CLEC16A: variants seen among roughly 807,000 people sequenced by gnomAD.
CLEC16A encodes protein CLEC16A.
In CLEC16A, 51 loss-of-function variants were observed where a neutral mutation model predicts 109.5. The ratio of observed to expected loss-of-function variants is 0.47; its 90% CI spans 0.37 to 0.59. The LOEUF is 0.59. CLEC16A is among the 20% of genes least tolerant of loss of function. The pLI, the probability that CLEC16A is intolerant of heterozygous loss-of-function variation, is 0.00. For missense variants in CLEC16A, 1,339 were observed against 1,394.0 expected (o/e 0.96, Z 0.63); for synonymous variants, 673 against 564.2 (o/e 1.19, Z -2.73).
intron 1 of CLEC16A, among the ~76,000 whole-genome samples, chr16:10,945,699 T>C (rs1022381811): frequency 6.6e-6 from 1 of 152,274 alleles, no homozygotes; most frequent in Middle Eastern, 3.4e-3. Flanking sequence ...AGGTACATAG[T>C]AGGTGGCCAG....
intron 23 of CLEC16A, 55 bp downstream of exon 23, chr16:11,166,607 T>C: frequency 1.3e-6 from 2 of 1,486,462 alleles, no homozygotes; most frequent in Non-Finnish European, 1.8e-6. Flanking sequence ...CCGTGATCCC[T>C]CACCATTACC....
chr16:10,967,290 C>T (rs1417928912), intron 3 of CLEC16A, among the ~76,000 whole-genome samples: 3 of 152,156 alleles, frequency 2.0e-5, no homozygotes, highest in Non-Finnish European at 4.4e-5. Context: ...TTGAGTTTGA[C>T]TTTGATCGAC....
intron 19 of CLEC16A, among the ~76,000 whole-genome samples, chr16:11,100,806 G>T (rs1488567004): frequency 6.6e-6 from 1 of 152,202 alleles, no homozygotes; most frequent in Non-Finnish European, 1.5e-5. Context: ...TTTGCAAGTG[G>T]CTGGAACTTT....
At chr16:11,064,148 C>T (rs552026954) in intron 19 of CLEC16A, among the ~76,000 whole-genome samples, 5 of 152,294 alleles carry the variant, frequency 3.3e-5, no homozygotes, top group Admixed American at 2.0e-4. Context: ...ATTTAAAATA[C>T]GCCACCCACC....
intron 18 of CLEC16A, 110 bp from the exon 19 acceptor site, chr16:11,060,792 G>A (rs1217261158): frequency 1.8e-5 from 21 of 1,187,150 alleles, no homozygotes; most frequent in South Asian, 8.1e-5. Flanking sequence ...GCTTTATTGC[G>A]TTTCTTTCTT....
intron 19 of CLEC16A, among the ~76,000 whole-genome samples, chr16:11,098,719 G>T (rs945637212): frequency 1.3e-5 from 2 of 152,232 alleles, no homozygotes; most frequent in East Asian, 1.9e-4. Context: ...CTCCCAAGAC[G>T]CTGTGTGTGA....
At chr16:10,982,141 G>A (rs1168088444) in intron 9 of CLEC16A, among the ~76,000 whole-genome samples, 1 of 152,176 alleles carries the variant, frequency 6.6e-6, no homozygotes, top group African/African-American at 2.4e-5. Flanking sequence ...AAACAAAATA[G>A]CAGGCATGTC....
intron 19 of CLEC16A, among the ~76,000 whole-genome samples, chr16:11,069,426 G>A (rs1051643543): frequency 2.6e-5 from 4 of 151,814 alleles, no homozygotes; most frequent in African/African-American, 7.3e-5. Context: ...ACTGTGTCTG[G>A]CCTATTATTA....
chr16:10,972,284 G>A (rs953819981), intron 5 of CLEC16A, among the ~76,000 whole-genome samples: 12 of 152,200 alleles, frequency 7.9e-5, no homozygotes, highest in Admixed American at 1.3e-4. Context: ...GTCAAGGCCC[G>A]TGCTCCCAGG....
rs750410149 is a variant in CLEC16A at position 11,123,765 on chromosome 16, G to A, written c.2292G>A (p.Glu764=). The A allele has an allele frequency of 3.1e-6, 5 of 1,613,922 alleles. No individual in the cohort carries two copies. The highest frequency in any genetic ancestry group is 2.7e-5 in the African/African-American group (2 of 74,922). Residue 764 remains glutamate (E), a synonymous_variant, in exon 21 of 24, where the codon GAG becomes GAA. Coordinates refer to ENST00000409790, the MANE Select transcript of CLEC16A (RefSeq NM_015226.3). ...AGGACATGCAGGTGACTGGCGTGGA[G>A]GACGACAGCCGTGCCCTGAACATCA... The part of the protein sequence containing the change: ...LLQDMQVTGV[E]DDSRALNITI...
At chr16:11,159,510 C>T (rs2054645611) in intron 22 of CLEC16A, among the ~76,000 whole-genome samples, 1 of 152,224 alleles carries the variant, frequency 6.6e-6, no homozygotes, top group African/African-American at 2.4e-5. Context: ...CCGAGCAGTT[C>T]CATTTTCATC....
At chr16:11,120,220 C>G (rs957585505) in intron 19 of CLEC16A, among the ~76,000 whole-genome samples, 3 of 152,266 alleles carry the variant, frequency 2.0e-5, no homozygotes, top group Non-Finnish European at 4.4e-5. Context: ...ATCCACCTGC[C>G]TTGGCCTCCC....
intron 22 of CLEC16A, among the ~76,000 whole-genome samples, chr16:11,164,480 G>A (rs1182616519): frequency 6.6e-6 from 1 of 152,208 alleles, no homozygotes; most frequent in Non-Finnish European, 1.5e-5. Context: ...GTGAAAGGAA[G>A]GAGGCTGAGG....
chr16:11,092,353 C>A lies in CLEC16A; in HGVS notation c.2117-28262C>A, dbSNP rs1022677669. 3.5e-3 allele frequency among the ~76,000 whole-genome samples: 414 copies of A among 119,476 alleles called. 6 individuals carry two copies. The highest frequency in any genetic ancestry group is 0.034 in the Admixed American group (353 of 10,442). The allele number at this position is 119,476 out of a possible 152,430, so 78.4% of individuals were successfully genotyped here. On this transcript the variant is annotated intron_variant, in intron 19 of 23. Coordinates refer to ENST00000409790, the MANE Select transcript of CLEC16A (RefSeq NM_015226.3). Reference sequence around the variant, plus strand: ...AGTAAGACCTGTCTCAAAAAACAAACAAAAACAAACACACACACACACACA... The same window carrying A: ...AGTAAGACCTGTCTCAAAAAACAAAAAAAAACAAACACACACACACACACA...
intron 7 of CLEC16A, among the ~76,000 whole-genome samples, chr16:10,976,750 T>C (rs1023421701): frequency 6.6e-6 from 1 of 152,088 alleles, no homozygotes; most frequent in Non-Finnish European, 1.5e-5. Flanking sequence ...GACGGAGACC[T>C]CCAGGGCAGG....
intron 10 of CLEC16A, among the ~76,000 whole-genome samples, chr16:10,995,533 T>C (rs947166034): frequency 6.6e-6 from 1 of 152,212 alleles, no homozygotes; most frequent in African/African-American, 2.4e-5. Flanking sequence ...TGACTGTTCT[T>C]TAAAAGCCCC....
chr16:10,957,658 A>G, intron 1 of CLEC16A, 124 bp from the exon 2 acceptor site: 4 of 945,104 alleles, frequency 4.2e-6, no homozygotes, highest in Non-Finnish European at 6.5e-6. Flanking sequence ...CTGAATGGGA[A>G]ATTGCATTAC....
At chr16:11,012,164 T>A (rs1373119553) in intron 11 of CLEC16A, among the ~76,000 whole-genome samples, 1 of 152,152 alleles carries the variant, frequency 6.6e-6, no homozygotes, top group Non-Finnish European at 1.5e-5. Flanking sequence ...AATTTTACCA[T>A]AGGTGAGTTG....
intron 11 of CLEC16A, among the ~76,000 whole-genome samples, chr16:11,008,258 G>T (rs1263263585): frequency 6.6e-6 from 1 of 152,130 alleles, no homozygotes; most frequent in African/African-American, 2.4e-5. Flanking sequence ...GTGATCGCTG[G>T]AATATGGAAC....
Sources: gnomAD v4.1 joint callset for allele counts (sites outside exome capture counted in the v4.1 genomes callset) on GRCh38, gnomAD v4.1.1 for gene constraint, MANE v1.5 for transcripts, NCBI Gene and HGNC (gene_info 2026-07-23, HGNC 2026-07-21) for gene names.